The following PHACTR1 variants were observed in gnomAD, a reference collection of about 807,000 sequenced individuals.
The protein encoded by PHACTR1 is RPEL repeat containing 1.
A neutral mutation model predicts 69.2 loss-of-function variants in PHACTR1; 16 were observed. The observed-to-expected ratio is 0.23, with a 90% CI of 0.16 to 0.35. The LOEUF is 0.35. Among genes scored for constraint, PHACTR1 ranks in the 10% least tolerant of loss-of-function variants. The pLI is 1.00. For synonymous variants in PHACTR1, 312 were observed against 284.5 expected (o/e 1.10, Z -0.97); for missense variants, 510 against 734.7 (o/e 0.69, Z 3.54).
chr6:12,905,190 G>A (rs1785593872), intron 4 of PHACTR1, among the ~76,000 whole-genome samples: 1 of 152,128 alleles, frequency 6.6e-6, no homozygotes, highest in East Asian at 1.9e-4. Context: ...GGATTCTAAT[G>A]ACCACCCAGG....
At chr6:12,974,300 A>T (rs959782334) in intron 4 of PHACTR1, among the ~76,000 whole-genome samples, 2 of 152,122 alleles carry the variant, frequency 1.3e-5, no homozygotes, top group Admixed American at 1.3e-4. Flanking sequence ...AAGCAATGCC[A>T]TTCTCTGTAA....
At chr6:12,780,303 A>T (rs1770658874) in intron 4 of PHACTR1, among the ~76,000 whole-genome samples, 1 of 150,188 alleles carries the variant, frequency 6.7e-6, no homozygotes, top group African/African-American at 2.5e-5. Flanking sequence ...GAGAGAAGCC[A>T]TTCCATTGTG....
At chr6:13,236,856 C>T (rs909542893) in intron 10 of PHACTR1, among the ~76,000 whole-genome samples, 1 of 152,004 alleles carries the variant, frequency 6.6e-6, no homozygotes, top group African/African-American at 2.4e-5. Flanking sequence ...GGACCATGAC[C>T]CCAAATGCAT....
At chr6:13,037,042 C>T (rs1016475563) in intron 4 of PHACTR1, among the ~76,000 whole-genome samples, 2 of 152,056 alleles carry the variant, frequency 1.3e-5, no homozygotes, top group Admixed American at 6.6e-5. Context: ...TGCATCTTGG[C>T]CCAAAAAGTA....
intron 4 of PHACTR1, among the ~76,000 whole-genome samples, chr6:12,895,557 G>A (rs1784582176): frequency 6.6e-6 from 1 of 152,132 alleles, no homozygotes; most frequent in Admixed American, 6.5e-5. Context: ...TTACTAGATA[G>A]TAACATGGTA....
intron 4 of PHACTR1, among the ~76,000 whole-genome samples, chr6:12,838,291 G>A (rs1778359205): frequency 6.6e-6 from 1 of 152,146 alleles, no homozygotes; most frequent in Non-Finnish European, 1.5e-5. Flanking sequence ...AGCCAACCTG[G>A]AGCCTGGTTG....
intron 4 of PHACTR1, among the ~76,000 whole-genome samples, chr6:12,951,737 G>A (rs1306027740): frequency 6.6e-6 from 1 of 152,208 alleles, no homozygotes; most frequent in Non-Finnish European, 1.5e-5. Context: ...GCAAGTCTGA[G>A]GCTATCCCAG....
intron 4 of PHACTR1, among the ~76,000 whole-genome samples, chr6:12,807,244 G>T (rs114241888): frequency 0.017 from 2,661 of 152,262 alleles, 39 homozygotes; most frequent in Non-Finnish European, 0.022. Flanking sequence ...TTCATAAATG[G>T]ATGTGGGAAT....
intron 4 of PHACTR1, among the ~76,000 whole-genome samples, chr6:12,833,315 G>C (rs1224797014): frequency 6.6e-6 from 1 of 151,436 alleles, no homozygotes; most frequent in East Asian, 1.9e-4. Context: ...CTGGAGTGCA[G>C]TGGTGCGATC....
rs181813686 is a variant in PHACTR1 at position 13,056,395 on chromosome 6, A to G, written c.415+2866A>G. 4.2e-4 allele frequency among the ~76,000 whole-genome samples: 64 copies of G among 152,314 alleles called. 1 individual carries two copies. The highest frequency in any genetic ancestry group is 1.8e-4 in the Non-Finnish European group (12 of 68,012). On this transcript the variant is annotated intron_variant, in intron 5 of 14. Transcript: ENST00000332995. ...AGCTTGGGTGACCAGCTGAGACCCA[A>G]TCTCACACATATGCAAAGCAAACTT...
At chr6:13,185,246 A>G (rs1762691371) in intron 7 of PHACTR1, among the ~76,000 whole-genome samples, 1 of 152,196 alleles carries the variant, frequency 6.6e-6, no homozygotes, top group South Asian at 2.1e-4. Context: ...AGTCATGTGT[A>G]TCTGTAAATG....
At chr6:13,008,588 C>G (rs1186135659) in intron 4 of PHACTR1, among the ~76,000 whole-genome samples, 1 of 152,188 alleles carries the variant, frequency 6.6e-6, no homozygotes, top group Non-Finnish European at 1.5e-5. Context: ...TACTTCCAGT[C>G]TAGCATCTGC....
intron 4 of PHACTR1, among the ~76,000 whole-genome samples, chr6:12,777,035 A>C (rs1770146896): frequency 6.6e-6 from 1 of 152,142 alleles, no homozygotes; most frequent in African/African-American, 2.4e-5. Flanking sequence ...AGAAATTTTC[A>C]ATTGTCCCAC....
rs188995199 is a variant in PHACTR1, at chr6:13,149,815, G to A, written c.416-10389G>A. Among the ~76,000 whole-genome samples, 437 of 145,044 alleles carry A rather than the reference G, an allele frequency of 3.0e-3. 1 individual carries two copies. The highest frequency in any genetic ancestry group is 0.017 in the Middle Eastern group (5 of 290). On this transcript the variant is annotated intron_variant, in intron 5 of 14. Transcript: ENST00000332995. ...TTCGTAAACTTTCTTAAAAAGTTAC[G>A]AGATTTTTTTTTGCGATTTTTTTTT...
At chr6:12,820,462 G>C (rs1195778580) in intron 4 of PHACTR1, among the ~76,000 whole-genome samples, 1 of 152,186 alleles carries the variant, frequency 6.6e-6, no homozygotes, top group African/African-American at 2.4e-5. Context: ...TTACAGGTGT[G>C]AGCCACCTCA....
intron 5 of PHACTR1, among the ~76,000 whole-genome samples, chr6:13,148,367 TAAGGA>T: frequency 6.6e-6 from 1 of 152,300 alleles, no homozygotes; most frequent in East Asian, 1.9e-4. Context: ...CCAAAAAAAA[TAAGGA>T]AAGTGTTCTG....
intron 4 of PHACTR1, among the ~76,000 whole-genome samples, chr6:12,903,562 C>T (rs1032715986): frequency 6.6e-6 from 1 of 152,234 alleles, no homozygotes; most frequent in African/African-American, 2.4e-5. Flanking sequence ...CTCCAAGGCT[C>T]CCCACTGGTT....
chr6:12,800,593 T>C (rs141177047), intron 4 of PHACTR1, among the ~76,000 whole-genome samples: 2 of 152,166 alleles, frequency 1.3e-5, no homozygotes, highest in Non-Finnish European at 1.5e-5. Context: ...TTAAGAAAGT[T>C]TGGAAGTTGA....
intron 3 of PHACTR1, among the ~76,000 whole-genome samples, 199 bp downstream of exon 3, chr6:12,719,046 TA>T (rs1478112636): frequency 3.3e-5 from 5 of 152,152 alleles, no homozygotes; most frequent in Non-Finnish European, 4.4e-5. Context: ...TGGATGTGGT[TA>T]AAAAAATGCC....
Sources: allele counts gnomAD v4.1 joint callset (sites outside exome capture counted in the v4.1 genomes callset), GRCh38; gene constraint gnomAD v4.1.1; transcripts MANE v1.5; gene names NCBI Gene and HGNC (gene_info 2026-07-23, HGNC 2026-07-21).